Variants in VSTM4 observed in about 807,000 individuals in gnomAD.
VSTM4 encodes V-set and transmembrane domain containing 4, also known as V-set and transmembrane domain-containing protein 4.
In VSTM4, 20 loss-of-function variants were observed where a neutral mutation model predicts 36.4. The observed-to-expected ratio is 0.55, with a 90% CI of 0.39 to 0.80. The LOEUF (loss-of-function observed/expected upper bound fraction) is 0.80. VSTM4 is among the 30% of genes least tolerant of loss of function. The probability of loss-of-function intolerance (pLI) is 0.00; values close to 1 mark genes in which losing one functional copy is unlikely to be tolerated. For synonymous variants in VSTM4, 182 were observed against 173.9 expected (o/e 1.05, Z -0.37); for missense variants, 392 against 404.5 (o/e 0.97, Z 0.26).
chr10:49,113,734 G>A (rs1351765613), intron 1 of VSTM4, among the ~76,000 whole-genome samples: 1 of 152,198 alleles, frequency 6.6e-6, no homozygotes, highest in Non-Finnish European at 1.5e-5. Flanking sequence ...GAAAAGTACA[G>A]CAGTTAAGAA....
At chr10:49,086,262 C>T (rs1286562990) in intron 2 of VSTM4, among the ~76,000 whole-genome samples, 1 of 152,188 alleles carries the variant, frequency 6.6e-6, no homozygotes, top group African/African-American at 2.4e-5. Context: ...GGATGCAGTT[C>T]AGTAAAAGCC....
chr10:49,033,343 G>A (rs888037933), intron 7 of VSTM4, among the ~76,000 whole-genome samples: 1 of 152,084 alleles, frequency 6.6e-6, no homozygotes, highest in African/African-American at 2.4e-5. Context: ...CACAGAAATG[G>A]ATTTGTCAGA....
intron 7 of VSTM4, among the ~76,000 whole-genome samples, chr10:49,044,069 T>C (rs569610627): frequency 1.2e-4 from 18 of 152,356 alleles, no homozygotes; most frequent in African/African-American, 3.6e-4. Context: ...GGCTCATGCC[T>C]GTAATCCCAA....
chr10:49,078,288 G>T (rs1844215928), intron 3 of VSTM4, among the ~76,000 whole-genome samples: 1 of 152,220 alleles, frequency 6.6e-6, no homozygotes, highest in Non-Finnish European at 1.5e-5. Context: ...CAACCATTCA[G>T]CCCAGAAATT....
At chr10:49,102,712 C>A in intron 2 of VSTM4, 1 of 985,412 alleles carries the variant, frequency 1.0e-6, no homozygotes, top group South Asian at 4.7e-5. Flanking sequence ...CAAGTCACGC[C>A]TACTTCAAAG....
intron 2 of VSTM4, among the ~76,000 whole-genome samples, chr10:49,100,117 A>T (rs1261499515): frequency 6.6e-6 from 1 of 152,222 alleles, no homozygotes; most frequent in East Asian, 1.9e-4. Flanking sequence ...TGATAGGTTA[A>T]CCAGTAAGGA....
chr10:49,112,787 T>C (rs1299291761), intron 1 of VSTM4, among the ~76,000 whole-genome samples: 2 of 152,248 alleles, frequency 1.3e-5, no homozygotes, highest in African/African-American at 2.4e-5. Flanking sequence ...ACAAGCGATG[T>C]AGCTGGTTAT....
chr10:49,056,279 C>A (rs559231195), intron 5 of VSTM4, among the ~76,000 whole-genome samples: 6 of 152,202 alleles, frequency 3.9e-5, no homozygotes, highest in Non-Finnish European at 8.8e-5. Context: ...GCCAGGCTGG[C>A]GTTTTTGTTT....
chr10:49,054,407 A>C (rs1191702190), intron 5 of VSTM4, among the ~76,000 whole-genome samples: 2 of 152,208 alleles, frequency 1.3e-5, no homozygotes, highest in Admixed American at 1.3e-4. Flanking sequence ...GGAGGAGGAG[A>C]GGCCAACCCA....
chr10:49,062,895 C>A (rs1385394993), intron 5 of VSTM4, among the ~76,000 whole-genome samples: 6 of 152,152 alleles, frequency 3.9e-5, no homozygotes, highest in African/African-American at 1.4e-4. Flanking sequence ...TGAGCCCGAA[C>A]AGTGAGTTTT....
At chr10:49,103,986 C>T (rs1844718514) in intron 2 of VSTM4, 10 of 736,574 alleles carry the variant, frequency 1.4e-5, no homozygotes, top group Non-Finnish European at 2.0e-5. Flanking sequence ...GACCACAGAA[C>T]TTCTCATCCT....
At chr10:49,112,734 A>G (rs978567509) in intron 1 of VSTM4, among the ~76,000 whole-genome samples, 1 of 152,188 alleles carries the variant, frequency 6.6e-6, no homozygotes, top group Admixed American at 6.5e-5. Context: ...ATTTTAATAC[A>G]TTTTAACAAG....
chr10:49,026,337 C>A (rs1475499716), intron 7 of VSTM4, among the ~76,000 whole-genome samples: 1 of 152,162 alleles, frequency 6.6e-6, no homozygotes, highest in Non-Finnish European at 1.5e-5. Context: ...TTCTGTGGGG[C>A]AAGAGTTGTT....
chr10:49,016,304 C>A lies in VSTM4; in HGVS notation c.*3346G>T, dbSNP rs1324578675. The stretch of plus-strand genomic sequence containing the variant: ...TGTTAGGGACTTGGGTAGAGTCCTG[C>A]CCTTCCAGGACATTCTCCTCCCTGC... On this transcript the variant is annotated 3_prime_UTR_variant, in exon 8 of 8. Transcript: ENST00000332853. 6.6e-6 allele frequency: 1 copy of A among 152,188 alleles called. No homozygotes were observed. Among genetic ancestry groups the A allele is most frequent in the Non-Finnish European group, 1.5e-5 (1 of 68,054 alleles). 9.4% of individuals were successfully genotyped at this position (152,188 alleles called of 1,614,324 possible). A position where few individuals can be genotyped will look rare whatever the true frequency, so the allele number is the denominator to read the frequency against.
chr10:49,107,472 G>A, intron 2 of VSTM4, 122 bp downstream of exon 2: 1 of 1,263,200 alleles, frequency 7.9e-7, no homozygotes, highest in South Asian at 1.5e-5. Context: ...GACCAACAGA[G>A]GCCCACAAGA....
intron 1 of VSTM4, among the ~76,000 whole-genome samples, chr10:49,112,782 C>T (rs934589357): frequency 1.3e-5 from 2 of 152,204 alleles, no homozygotes; most frequent in African/African-American, 4.8e-5. Flanking sequence ...ATCCCACAAG[C>T]GATGTAGCTG....
At chr10:49,062,819 T>C (rs958274434) in intron 5 of VSTM4, among the ~76,000 whole-genome samples, 1 of 152,174 alleles carries the variant, frequency 6.6e-6, no homozygotes, top group African/African-American at 2.4e-5. Flanking sequence ...GTTGTTCAGA[T>C]TAGATAAATT....
At chr10:49,107,024 T>A (rs924342688) in intron 2 of VSTM4, among the ~76,000 whole-genome samples, 1 of 152,168 alleles carries the variant, frequency 6.6e-6, no homozygotes, top group Non-Finnish European at 1.5e-5. Context: ...ACTTCAAACT[T>A]CGATAAGCAT....
intron 2 of VSTM4, among the ~76,000 whole-genome samples, chr10:49,094,793 G>A (rs1223431670): frequency 1.3e-5 from 2 of 152,106 alleles, no homozygotes; most frequent in Non-Finnish European, 2.9e-5. Context: ...GGGGTGGGGG[G>A]CGTGCCACTG....
Sources: gnomAD v4.1 joint callset for allele counts (sites outside exome capture counted in the v4.1 genomes callset) on GRCh38, gnomAD v4.1.1 for gene constraint, MANE v1.5 for transcripts, NCBI Gene and HGNC (gene_info 2026-07-23, HGNC 2026-07-21) for gene names.